The following MYOM1 variants were observed in gnomAD, a reference collection of about 807,000 sequenced individuals.
The protein encoded by MYOM1 is myomesin-1.
Under a neutral mutation model 205.3 loss-of-function variants are expected in MYOM1, and 164 were observed. The observed-to-expected ratio is 0.80, with a 90% CI of 0.70 to 0.91. MYOM1 has a LOEUF of 0.91. Among genes scored for constraint, MYOM1 ranks in the 40% least tolerant of loss-of-function variants. MYOM1 has a pLI of 0.00. For missense variants in MYOM1, 2,011 were observed against 2,127.3 expected (o/e 0.95, Z 1.08); for synonymous variants, 772 against 789.4 (o/e 0.98, Z 0.37).
chr18:3,186,056 TGTG>T (rs2080804783), intron 5 of MYOM1, among the ~76,000 whole-genome samples: 1 of 152,004 alleles, frequency 6.6e-6, no homozygotes, highest in African/African-American at 2.4e-5. Context: ...ATCAGCCAGG[TGTG>T]GTGGTATGCA....
intron 25 of MYOM1, among the ~76,000 whole-genome samples, chr18:3,096,022 C>T (rs1224593218): frequency 6.6e-6 from 1 of 152,188 alleles, no homozygotes. Flanking sequence ...GGAGGAGGAA[C>T]AGGCCCTCCT....
intron 21 of MYOM1, among the ~76,000 whole-genome samples, chr18:3,114,444 C>A (rs1024542021): frequency 1.3e-5 from 2 of 151,326 alleles, no homozygotes; most frequent in African/African-American, 4.9e-5. Context: ...GTGGTGCAAT[C>A]ACAGCTCACT....
chr18:3,099,546 T>C (rs898784365), intron 25 of MYOM1, among the ~76,000 whole-genome samples: 5 of 152,188 alleles, frequency 3.3e-5, no homozygotes, highest in African/African-American at 9.6e-5. Flanking sequence ...GATCCCCCCA[T>C]CTGGCCAGTG....
At chr18:3,074,198 C>T (rs548452056) in intron 36 of MYOM1, among the ~76,000 whole-genome samples, 1 of 152,314 alleles carries the variant, frequency 6.6e-6, no homozygotes, top group East Asian at 1.9e-4. Flanking sequence ...TTGCTCAACA[C>T]CCCACTTCCC....
chr18:3,245,348 T>C, the MYOM1 span, among the ~76,000 whole-genome samples: 1 of 152,212 alleles, frequency 6.6e-6, no homozygotes, highest in Non-Finnish European at 1.5e-5. Flanking sequence ...CACTCCAGCC[T>C]GGGCAATAGA....
At chr18:3,220,573 T>A (rs2081320253), upstream of MYOM1, among the ~76,000 whole-genome samples, 1 of 152,182 alleles carries the variant, frequency 6.6e-6, no homozygotes, top group Non-Finnish European at 1.5e-5. Context: ...CAGAGTAGGG[T>A]CAGTCCATCT....
intron 33 of MYOM1, among the ~76,000 whole-genome samples, chr18:3,080,621 C>T (rs2079073760): frequency 2.0e-5 from 3 of 151,648 alleles, no homozygotes; most frequent in South Asian, 4.2e-4. Context: ...TTGCAATGAA[C>T]CGAGATCACG....
At chr18:3,181,719 G>T (rs141005201) in intron 5 of MYOM1, among the ~76,000 whole-genome samples, 4 of 146,100 alleles carry the variant, frequency 2.7e-5, no homozygotes, top group Non-Finnish European at 6.0e-5. Context: ...CGACCTTTGG[G>T]TGAAACTGAA....
chr18:3,116,264 C>T (rs1359646895), intron 21 of MYOM1, 67 bp downstream of exon 21: 5 of 1,499,250 alleles, frequency 3.3e-6, no homozygotes, highest in Non-Finnish European at 4.5e-6. Flanking sequence ...TTTTATCTTG[C>T]TAACTTTAAA....
intron 18 of MYOM1, among the ~76,000 whole-genome samples, chr18:3,127,856 A>G (rs2079818046): frequency 6.6e-6 from 1 of 152,244 alleles, no homozygotes; most frequent in Non-Finnish European, 1.5e-5. Flanking sequence ...TTCATGTGGT[A>G]CAATACTATA....
chr18:3,137,221 T>C (rs2079984113), intron 14 of MYOM1, among the ~76,000 whole-genome samples: 1 of 152,214 alleles, frequency 6.6e-6, no homozygotes, highest in African/African-American at 2.4e-5. Flanking sequence ...AGTGCTGGGA[T>C]TACAGGCGTG....
intron 2 of MYOM1, among the ~76,000 whole-genome samples, chr18:3,206,030 A>G (rs922368918): frequency 6.6e-6 from 1 of 152,186 alleles, no homozygotes; most frequent in African/African-American, 2.4e-5. Context: ...GAACACAAAG[A>G]AGGAAGGCCA....
At chr18:3,084,141 A>G in intron 31 of MYOM1, 114 bp from the exon 32 acceptor site, 2 of 1,163,250 alleles carry the variant, frequency 1.7e-6, no homozygotes, top group Non-Finnish European at 2.5e-6. Flanking sequence ...AAATGGAAAC[A>G]AGGTGAATTT....
rs576602622 is a variant in MYOM1, at chr18:3,189,011, T to G, written c.508A>C (p.Asn170His). 1 of 1,613,686 alleles carries G rather than the reference T, an allele frequency of 6.2e-7. No individual in the cohort carries two copies. The highest frequency in any genetic ancestry group is 1.1e-5 in the South Asian group (1 of 91,080). Residue 170 changes from asparagine (N) to histidine (H), a missense_variant, in exon 4 of 38, where the codon AAT becomes CAT. Transcript: ENST00000356443. The surrounding 1 kb of genome is among the most constrained non-coding windows in gnomAD (Gnocchi z 4.8). ...KEAAAYIAQR[N>H]LLASEEGITT... ...ATTCCTTCCTCACTAGCAAGAAGAT[T>G]CCTCTGGGCTATATAAGCAGCAGCT...
intron 29 of MYOM1, among the ~76,000 whole-genome samples, chr18:3,087,648 C>A (rs1310683927): frequency 6.6e-6 from 1 of 151,996 alleles, no homozygotes; most frequent in Non-Finnish European, 1.5e-5. Flanking sequence ...TGCCACCATG[C>A]CCAGCTAATT....
chr18:3,083,818 C>T lies in MYOM1; in HGVS notation c.4455G>A (p.Val1485=). The T allele has an allele frequency of 6.3e-7, 1 of 1,576,942 alleles. No homozygotes were observed. Among genetic ancestry groups the T allele is most frequent in the Non-Finnish European group, 8.6e-7 (1 of 1,159,908 alleles). The change falls in exon 33 of 38, where the codon GTG becomes GTA. Residue 1485 remains valine (V), a synonymous_variant. Coordinates refer to ENST00000356443, the MANE Select transcript of MYOM1 (RefSeq NM_003803.4). ...GGGACCAGTTAACTTTCAAATCCTC[C>T]ACATAGTAAGTTACAAAAGAGTACA... ...IQLYSFVTYY[V]EDLKVNWSHN... is the part of the protein sequence containing the mutation.
rs2079873089 is a variant in MYOM1, at chr18:3,131,361, C to A, written c.2506+14G>T. On this transcript the variant is annotated intron_variant, in intron 17 of 37. Transcript: ENST00000356443. ...TCCATTTTTCCCCCATACAGTTATG[C>A]ATAAGGAACTTACCAATAGCAGCTT... 3.1e-6 allele frequency: 5 copies of A among 1,613,402 alleles called. No individual in the cohort carries two copies. The highest frequency in any genetic ancestry group is 4.2e-6 in the Non-Finnish European group (5 of 1,179,670).
At position 3,067,059 on chromosome 18, in the gene MYOM1, T is replaced by C; in HGVS notation, c.*203A>G. 1.7e-6 allele frequency: 1 copy of C among 602,228 alleles called. No individual in the cohort carries two copies. The highest frequency in any genetic ancestry group is 2.9e-6 in the Non-Finnish European group (1 of 348,820). 37.3% of individuals were successfully genotyped at this position (602,228 alleles called of 1,614,324 possible). On this transcript the variant is annotated 3_prime_UTR_variant, in exon 38 of 38. Coordinates refer to ENST00000356443, the MANE Select transcript of MYOM1 (RefSeq NM_003803.4). ...AATCTTCATGCTATGAATGGTATTT[T>C]CTTAACACATAATTTTGTAGATAAA... is the stretch of plus-strand genomic sequence containing the variant.
chr18:3,194,498 C>A (rs1198672736), intron 2 of MYOM1, among the ~76,000 whole-genome samples: 12 of 152,126 alleles, frequency 7.9e-5, no homozygotes, highest in Non-Finnish European at 1.3e-4. Flanking sequence ...CACACGATGC[C>A]GATTGACTCA....
Sources: gnomAD v4.1 joint callset for allele counts (sites outside exome capture counted in the v4.1 genomes callset) on GRCh38, gnomAD v4.1.1 for gene constraint, Gnocchi (gnomAD v3.1) non-coding constraint, MANE v1.5 for transcripts, NCBI Gene and HGNC (gene_info 2026-07-23, HGNC 2026-07-21) for gene names.